TDRD12: variants seen among roughly 807,000 people sequenced by gnomAD.
TDRD12 encodes putative ATP-dependent RNA helicase TDRD12.
Under a neutral mutation model 133.5 loss-of-function variants are expected in TDRD12, and 158 were observed. That is an observed-to-expected ratio of 1.18 (90% CI 1.04 to 1.35). The LOEUF is 1.35. TDRD12 is among the 40% of genes most tolerant of loss of function. The pLI is 0.00. For missense variants in TDRD12, 1,443 were observed against 1,321.3 expected (o/e 1.09, Z -1.43); for synonymous variants, 460 against 477.9 (o/e 0.96, Z 0.49).
exon 1 of TDRD12, chr19:32,720,096 G>A (rs1568438916): frequency 1.3e-6 from 2 of 1,547,948 alleles, no homozygotes; most frequent in Non-Finnish European, 1.7e-6. Flanking sequence ...TGGTGCTGAA[G>A]GTGAGCGCCG....
chr19:32,778,187 A>G (rs933588483), intron 11 of TDRD12, among the ~76,000 whole-genome samples: 3 of 151,892 alleles, frequency 2.0e-5, no homozygotes, highest in Non-Finnish European at 4.4e-5. Context: ...CTCTGCAGCC[A>G]TGTGGGCTTC....
intron 24 of TDRD12, among the ~76,000 whole-genome samples, chr19:32,813,189 A>G (rs1454267153): frequency 6.6e-6 from 1 of 152,116 alleles, no homozygotes. Context: ...GAAAAAAAGA[A>G]AGAAAACAAC....
intron 24 of TDRD12, among the ~76,000 whole-genome samples, chr19:32,812,675 G>T (rs141514026): frequency 1.3e-5 from 2 of 152,338 alleles, no homozygotes; most frequent in Admixed American, 6.5e-5. Flanking sequence ...GACCTGTAAA[G>T]ATGACTGACC....
At chr19:32,731,749 G>A in exon 2 of TDRD12, 1 of 1,545,044 alleles carries the variant, frequency 6.5e-7, no homozygotes, top group Non-Finnish European at 8.7e-7. Context: ...TTGCTTCTGG[G>A]TTATTATAAA....
At chr19:32,730,350 T>A (rs1379138285) in intron 1 of TDRD12, among the ~76,000 whole-genome samples, 1 of 152,308 alleles carries the variant, frequency 6.6e-6, no homozygotes, top group East Asian at 1.9e-4. Context: ...GGGAATGGGC[T>A]CAGGGGAAAA....
chr19:32,772,349 C>A (rs969425137), intron 8 of TDRD12, among the ~76,000 whole-genome samples: 1 of 152,182 alleles, frequency 6.6e-6, no homozygotes, highest in African/African-American at 2.4e-5. Context: ...AGCACCACTT[C>A]TGGGTGGGTT....
Position 32,720,110 on chromosome 19 carries a change from A to AGCCAGACCCAC in TDRD12, c.24+28_24+38dup, listed in dbSNP as rs754265598. 3.2e-5 allele frequency: 50 copies of AGCCAGACCCAC among 1,546,948 alleles called. No homozygotes were observed. The African/African-American group carries it at 4.1e-4, about 13-fold the overall frequency. ...CTGGTGCTGAAGGTGAGCGCCGCCA[A>AGCCAGACCCAC]GCCAGACCCACGCCAGACCCACGCA... On this transcript the variant is annotated intron_variant, in intron 1 of 27. Transcript: ENST00000444215.
exon 10 of TDRD12, chr19:32,828,581 A>G (rs897925839): frequency 1.8e-4 from 27 of 152,192 alleles, no homozygotes; most frequent in African/African-American, 6.3e-4. Flanking sequence ...TGGATAGAAC[A>G]TGAGTGTTGT....
At chr19:32,740,414 C>T (rs1969384773) in intron 3 of TDRD12, among the ~76,000 whole-genome samples, 1 of 148,112 alleles carries the variant, frequency 6.8e-6, no homozygotes, top group Non-Finnish European at 1.5e-5. Context: ...TCTGCATCTC[C>T]TGGGTGCTCT....
intron 27 of TDRD12, among the ~76,000 whole-genome samples, chr19:32,819,329 T>A (rs1339382331): frequency 2.2e-5 from 3 of 135,458 alleles, no homozygotes; most frequent in East Asian, 2.3e-4. Flanking sequence ...AAAAAAAAAA[T>A]GACAAAGATA....
intron 3 of TDRD12, among the ~76,000 whole-genome samples, chr19:32,742,249 C>T (rs1483113496): frequency 6.6e-6 from 1 of 151,906 alleles, no homozygotes; most frequent in Non-Finnish European, 1.5e-5. Context: ...CTCTGCCTCC[C>T]AGGTTCAAGC....
intron 22 of TDRD12, 28 bp from the exon 23 acceptor site, chr19:32,810,065 T>G (rs765295318): frequency 7.1e-7 from 1 of 1,413,254 alleles, no homozygotes; most frequent in Non-Finnish European, 9.4e-7. Context: ...AGTTTGTTTC[T>G]TGGTCATGTT....
chr19:32,769,125 G>C (rs1415637260), intron 8 of TDRD12, among the ~76,000 whole-genome samples: 1 of 152,026 alleles, frequency 6.6e-6, no homozygotes, highest in African/African-American at 2.4e-5. Context: ...TTTTCTTAAT[G>C]GTATTTTTCA....
chr19:32,826,942 C>T (rs1374155347), intron 9 of TDRD12, among the ~76,000 whole-genome samples, 193 bp downstream of exon 32: 2 of 152,150 alleles, frequency 1.3e-5, no homozygotes, highest in Non-Finnish European at 2.9e-5. Flanking sequence ...TGGTGATAAA[C>T]ACACCTTTTA....
intron 27 of TDRD12, among the ~76,000 whole-genome samples, chr19:32,820,558 A>G (rs1277401526): frequency 6.6e-6 from 1 of 152,184 alleles, no homozygotes; most frequent in East Asian, 1.9e-4. Context: ...GTACGTTCCC[A>G]TATGTTTAAA....
At chr19:32,736,266 C>T (rs1161373796) in intron 2 of TDRD12, among the ~76,000 whole-genome samples, 1 of 152,118 alleles carries the variant, frequency 6.6e-6, no homozygotes, top group Non-Finnish European at 1.5e-5. Flanking sequence ...AATATTACTG[C>T]TGAGCTGGGT....
chr19:32,744,761 T>C (rs1033706699), intron 4 of TDRD12, among the ~76,000 whole-genome samples: 1 of 152,002 alleles, frequency 6.6e-6, no homozygotes, highest in African/African-American at 2.4e-5. Context: ...TGTAGAGACA[T>C]CAGCCCCATC....
chr19:32,760,008 T>TA (rs1970107346), intron 8 of TDRD12, among the ~76,000 whole-genome samples: 1 of 152,248 alleles, frequency 6.6e-6, no homozygotes, highest in South Asian at 2.1e-4. Context: ...AGGTGAGAAT[T>TA]ACAGCAGAAG....
chr19:32,765,735 G>GT (rs1349550567), intron 8 of TDRD12, among the ~76,000 whole-genome samples: 1 of 132,484 alleles, frequency 7.5e-6, no homozygotes, highest in African/African-American at 2.8e-5. Flanking sequence ...CCGGGGGCCT[G>GT]TTGTGGGGTG....
Sources: gnomAD v4.1 joint callset for allele counts (sites outside exome capture counted in the v4.1 genomes callset) on GRCh38, gnomAD v4.1.1 for gene constraint, MANE v1.5 for transcripts, NCBI Gene and HGNC (gene_info 2026-07-23, HGNC 2026-07-21) for gene names.